Variants in DLGAP1 observed in about 807,000 individuals in gnomAD.
The protein encoded by DLGAP1 is DLG associated protein 1.
In DLGAP1, 11 loss-of-function variants were observed where a neutral mutation model predicts 90.8. The observed-to-expected ratio is 0.12, with a 90% CI of 0.08 to 0.20. DLGAP1 has a LOEUF of 0.20. Among genes scored for constraint, DLGAP1 ranks in the 10% least tolerant of loss-of-function variants. The pLI is 1.00. For synonymous variants in DLGAP1, 558 were observed against 540.7 expected (o/e 1.03, Z -0.44); for missense variants, 1,050 against 1,333.8 (o/e 0.79, Z 3.31).
At chr18:3,761,259 A>G (rs754128145) in intron 5 of DLGAP1, among the ~76,000 whole-genome samples, 3 of 151,988 alleles carry the variant, frequency 2.0e-5, no homozygotes, top group Admixed American at 6.6e-5. Context: ...TCCCTCCCCC[A>G]GCCTCTGGCA....
intron 5 of DLGAP1, among the ~76,000 whole-genome samples, chr18:3,751,865 C>T (rs1490483604): frequency 2.3e-5 from 3 of 131,014 alleles, no homozygotes; most frequent in Non-Finnish European, 3.3e-5. Context: ...GCCCGGACTT[C>T]TTCTTCTTCT....
intron 2 of DLGAP1, among the ~76,000 whole-genome samples, chr18:4,096,523 CTT>C (rs879827010): frequency 6.9e-6 from 1 of 145,928 alleles, no homozygotes. Flanking sequence ...TTTTGCCATT[CTT>C]TTTTTTTTTT....
chr18:3,964,509 T>G (rs888364034), intron 3 of DLGAP1, among the ~76,000 whole-genome samples: 8 of 152,040 alleles, frequency 5.3e-5, no homozygotes, highest in Non-Finnish European at 1.2e-4. Flanking sequence ...GAGTGAGCAA[T>G]GCTGGGAAAA....
At chr18:4,177,969 T>A (rs2077139525) in intron 1 of DLGAP1, among the ~76,000 whole-genome samples, 1 of 152,024 alleles carries the variant, frequency 6.6e-6, no homozygotes, top group African/African-American at 2.4e-5. Flanking sequence ...TATTTTACCT[T>A]TAACTTTCCA....
chr18:3,547,301 CAAAAAAAAAA>C (rs765095049), intron 9 of DLGAP1, among the ~76,000 whole-genome samples: 3 of 45,432 alleles, frequency 6.6e-5, no homozygotes, highest in Non-Finnish European at 1.3e-4. Context: ...GACTCCGTCT[CAAAAAAAAAA>C]AAAAAAAAAA....
intron 3 of DLGAP1, among the ~76,000 whole-genome samples, chr18:3,936,847 A>G (rs1373117490): frequency 6.6e-6 from 1 of 152,224 alleles, no homozygotes; most frequent in African/African-American, 2.4e-5. Context: ...ATGATGAACC[A>G]TCACTGAGAA....
intron 1 of DLGAP1, among the ~76,000 whole-genome samples, chr18:4,343,284 G>A (rs765103810): frequency 7.3e-4 from 109 of 148,950 alleles, no homozygotes; most frequent in Non-Finnish European, 1.3e-3. Flanking sequence ...TCCAGCCTGG[G>A]CGACAGAGCA....
chr18:4,446,384 T>C lies in DLGAP1; in HGVS notation c.-267+8622A>G, dbSNP rs188475597. On this transcript the variant is annotated intron_variant, in intron 1 of 12. Coordinates refer to ENST00000315677, the MANE Select transcript of DLGAP1 (RefSeq NM_004746.4). Reference sequence around the variant, plus strand: ...TTAATCAGATCCTAGAGATTAGACATCCCATTAAGAAGCTGCTATGTATTC... The same window carrying C: ...TTAATCAGATCCTAGAGATTAGACACCCCATTAAGAAGCTGCTATGTATTC... Among the ~76,000 whole-genome samples, 469 of 152,162 alleles carry C rather than the reference T, an allele frequency of 3.1e-3. 2 individuals are homozygous for C. The highest frequency in any genetic ancestry group is 5.1e-3 in the Non-Finnish European group (350 of 68,000).
intron 7 of DLGAP1, among the ~76,000 whole-genome samples, chr18:3,724,171 T>C (rs913110810): frequency 6.6e-6 from 1 of 151,768 alleles, no homozygotes; most frequent in African/African-American, 2.4e-5. Context: ...CCTCTACAAA[T>C]TGTTTTTTAA....
chr18:3,516,251 AT>A (rs1004903842), intron 10 of DLGAP1, among the ~76,000 whole-genome samples: 1 of 151,224 alleles, frequency 6.6e-6, no homozygotes, highest in Non-Finnish European at 1.5e-5. Context: ...ATTTTTTCAA[AT>A]TTTTTTGGGT....
At chr18:4,078,862 T>C (rs1474479224) in intron 2 of DLGAP1, among the ~76,000 whole-genome samples, 2 of 152,206 alleles carry the variant, frequency 1.3e-5, no homozygotes. Flanking sequence ...CTTATAGCCC[T>C]GTGATAATGA....
intron 1 of DLGAP1, among the ~76,000 whole-genome samples, chr18:4,299,723 G>C (rs1408101018): frequency 6.6e-6 from 1 of 152,046 alleles, no homozygotes; most frequent in Non-Finnish European, 1.5e-5. Flanking sequence ...CAAAATACCA[G>C]AAGGTTACCT....
intron 1 of DLGAP1, among the ~76,000 whole-genome samples, chr18:4,313,894 C>T (rs1598879484): frequency 6.6e-6 from 1 of 152,124 alleles, no homozygotes; most frequent in Admixed American, 6.5e-5. Context: ...TAGATAAAGC[C>T]GAGACTCTTA....
intron 2 of DLGAP1, among the ~76,000 whole-genome samples, chr18:4,097,927 T>G (rs1178830483): frequency 6.6e-6 from 1 of 152,226 alleles, no homozygotes; most frequent in Non-Finnish European, 1.5e-5. Flanking sequence ...CCTTTTTCTT[T>G]TTTTGAGACA....
rs189786819 is a variant in DLGAP1, at chr18:4,161,092, T to G, written c.-266-9805A>C. On this transcript the variant is annotated intron_variant, in intron 1 of 12. Transcript: ENST00000315677. ...ACAGTTTATTTTTTTCTTCAACTTTTAAGTTCCGGGGTACATGTGCAGGAT... is the reference window on the plus strand; with the variant it reads ...ACAGTTTATTTTTTTCTTCAACTTTGAAGTTCCGGGGTACATGTGCAGGAT... Among the ~76,000 whole-genome samples, 243 of 152,102 alleles carry G rather than the reference T, an allele frequency of 1.6e-3. 1 individual carries two copies. Among genetic ancestry groups the G allele is most frequent in the Non-Finnish European group, 2.1e-3 (140 of 68,000 alleles).
At chr18:4,178,727 T>C (rs1267366118) in intron 1 of DLGAP1, among the ~76,000 whole-genome samples, 1 of 152,134 alleles carries the variant, frequency 6.6e-6, no homozygotes, top group African/African-American at 2.4e-5. Context: ...CAAGAGCTTT[T>C]TCCAAGAATC....
At chr18:3,697,110 T>C (rs4798119) in intron 7 of DLGAP1, among the ~76,000 whole-genome samples, 15,364 of 152,046 alleles carry the variant, frequency 0.1, 1,474 homozygotes, top group African/African-American at 0.25. Context: ...GTCTGGCTAG[T>C]GGTCTATTTT....
intron 1 of DLGAP1, among the ~76,000 whole-genome samples, chr18:4,443,312 C>T (rs553577887): frequency 1.3e-5 from 2 of 152,312 alleles, no homozygotes; most frequent in East Asian, 3.9e-4. Flanking sequence ...GCTCCCACTT[C>T]CCCTCACCAG....
chr18:4,027,120 T>C (rs1268712251), intron 2 of DLGAP1, among the ~76,000 whole-genome samples: 1 of 152,132 alleles, frequency 6.6e-6, no homozygotes, highest in Non-Finnish European at 1.5e-5. Flanking sequence ...AGCATGCTTT[T>C]TAGGAAAAAG....
Sources: gnomAD v4.1 joint callset for allele counts (sites outside exome capture counted in the v4.1 genomes callset) on GRCh38, gnomAD v4.1.1 for gene constraint, MANE v1.5 for transcripts, NCBI Gene and HGNC (gene_info 2026-07-23, HGNC 2026-07-21) for gene names.